Variants in YLPM1 observed in about 807,000 individuals in gnomAD.
YLPM1 encodes YLP motif containing 1.
Under a neutral mutation model 230.0 loss-of-function variants are expected in YLPM1, and 99 were observed. That is an observed-to-expected ratio of 0.43 (90% CI 0.37 to 0.51). YLPM1 has a LOEUF of 0.51. Ranked by LOEUF, YLPM1 falls within the 20% of genes least tolerant of loss-of-function variation. YLPM1 has a pLI of 0.00. For missense variants in YLPM1, 2,592 were observed against 2,707.7 expected (o/e 0.96, Z 0.95); for synonymous variants, 984 against 942.5 (o/e 1.04, Z -0.81).
At chr14:74,778,716 A>G in intron 2 of YLPM1, 33 bp downstream of exon 2, 1 of 1,509,590 alleles carries the variant, frequency 6.6e-7, no homozygotes. Flanking sequence ...GTGTTTATTA[A>G]ATTATTTAGC....
chr14:74,799,922 T>C (rs1288393254), intron 5 of YLPM1, among the ~76,000 whole-genome samples: 2 of 152,236 alleles, frequency 1.3e-5, no homozygotes, highest in Non-Finnish European at 2.9e-5. Context: ...TTGATTGCTG[T>C]CTTGGCCTTT....
At position 74,835,321 on chromosome 14, in the gene YLPM1, T is replaced by A. The variant is rs2091635577; in HGVS notation, c.6351T>A (p.Gly2117=). ...ATGCAGATAGGAAAAGGGCCATAGG[T>A]TTTGTGGTCGGACAGACTGATTGGG... The part of the protein sequence containing the change: ...KKDADRKRAI[G]FVVGQTDWEK... Residue 2117 remains glycine (G), a synonymous_variant, in exon 20 of 21, where the codon GGT becomes GGA. Coordinates refer to ENST00000325680, the MANE Select transcript of YLPM1 (RefSeq NM_019589.3). 3 of 1,613,432 alleles carry A rather than the reference T, an allele frequency of 1.9e-6. No individual in the cohort carries two copies. The highest frequency in any genetic ancestry group is 2.5e-6 in the Non-Finnish European group (3 of 1,179,710).
At chr14:74,815,030 G>A (rs1357167030) in intron 11 of YLPM1, among the ~76,000 whole-genome samples, 1 of 152,044 alleles carries the variant, frequency 6.6e-6, no homozygotes, top group Non-Finnish European at 1.5e-5. Flanking sequence ...GTATTCCTTT[G>A]TAATCTTTTT....
chr14:74,790,748 A>G (rs1417223206), intron 4 of YLPM1, among the ~76,000 whole-genome samples: 1 of 152,194 alleles, frequency 6.6e-6, no homozygotes, highest in South Asian at 2.1e-4. Flanking sequence ...TGTTTCTACT[A>G]TATTTTAAAT....
At chr14:74,826,436 T>A (rs2091563265) in intron 18 of YLPM1, among the ~76,000 whole-genome samples, 1 of 152,208 alleles carries the variant, frequency 6.6e-6, no homozygotes, top group Admixed American at 6.6e-5. Flanking sequence ...CCAATTACTC[T>A]TGGAAAATGA....
At chr14:74,765,841 T>C (rs1036879062) in intron 1 of YLPM1, among the ~76,000 whole-genome samples, 2 of 152,242 alleles carry the variant, frequency 1.3e-5, no homozygotes, top group African/African-American at 4.8e-5. Flanking sequence ...ACTCAGTGTC[T>C]TGAATATTCA....
At chr14:74,773,605 A>G (rs979077917) in intron 1 of YLPM1, among the ~76,000 whole-genome samples, 1 of 151,966 alleles carries the variant, frequency 6.6e-6, no homozygotes, top group Non-Finnish European at 1.5e-5. Context: ...ACTGAAGGAT[A>G]AGTCTGTTGA....
intron 13 of YLPM1, 37 bp from the exon 14 acceptor site, chr14:74,816,894 C>T (rs768551422): frequency 7.9e-6 from 12 of 1,524,632 alleles, no homozygotes; most frequent in Middle Eastern, 1.8e-4. Flanking sequence ...TGATTCTTTG[C>T]TTTTGCTAAT....
Position 74,798,539 on chromosome 14 carries a change from G to C in YLPM1, c.3242G>C (p.Arg1081Thr), listed in dbSNP as rs183089827. Residue 1081 changes from arginine (R) to threonine (T), a missense_variant, in exon 5 of 21, where the codon AGA becomes ACA. This residue lies in a region of YLPM1 where 1,862 missense variants were observed against 1,819.8 expected (regional missense o/e 1.02). Transcript: ENST00000325680. ...KMNRGEGSRD[R>T]GLVRPGSSRE... Reference sequence around the variant, plus strand: ...AACAGAGGAGAAGGTAGCCGGGACAGAGGGTTGGTGAGGCCTGGAAGCAGT... The same window carrying C: ...AACAGAGGAGAAGGTAGCCGGGACACAGGGTTGGTGAGGCCTGGAAGCAGT... The C allele has an allele frequency of 1.2e-6, 2 of 1,613,992 alleles. No homozygotes were observed. Among genetic ancestry groups the C allele is most frequent in the East Asian group, 4.5e-5 (2 of 44,872 alleles).
At position 74,781,439 on chromosome 14, in the gene YLPM1, C is replaced by T. The variant is rs1026539154; in HGVS notation, c.1396C>T (p.Leu466Phe). ...EREFQLWEEQ[L>F]HSYPHKDQLQ... ...AGAGTTTCAGCTATGGGAGGAACAA[C>T]TCCATTCCTATCCTCATAAAGATCA... The change falls in exon 4 of 21, where the codon CTC (leucine) becomes TTC (phenylalanine). Residue 466 changes from leucine to phenylalanine, a missense_variant. By Grantham distance (22) the Leu-to-Phe change is conservative. This residue lies in a region of YLPM1 where 1,862 missense variants were observed against 1,819.8 expected (regional missense o/e 1.02). Coordinates refer to ENST00000325680, the MANE Select transcript of YLPM1 (RefSeq NM_019589.3). 3 of 1,611,032 alleles carry T rather than the reference C, an allele frequency of 1.9e-6. No individual in the cohort carries two copies. Among genetic ancestry groups the T allele is most frequent in the Non-Finnish European group, 2.5e-6 (3 of 1,178,446 alleles).
chr14:74,779,498 G>T (rs1254579825), intron 2 of YLPM1, among the ~76,000 whole-genome samples: 4 of 152,038 alleles, frequency 2.6e-5, no homozygotes, highest in Non-Finnish European at 5.9e-5. Context: ...TCTCATATTG[G>T]TCCAAAGGTC....
intron 4 of YLPM1, among the ~76,000 whole-genome samples, chr14:74,790,977 C>T (rs1339831607): frequency 6.6e-6 from 1 of 152,202 alleles, no homozygotes; most frequent in African/African-American, 2.4e-5. Flanking sequence ...TGCAGTGGCT[C>T]ATGCCTGTAA....
chr14:74,833,393 C>T (rs1294094047), intron 19 of YLPM1, among the ~76,000 whole-genome samples: 1 of 152,064 alleles, frequency 6.6e-6, no homozygotes, highest in East Asian at 1.9e-4. Context: ...GGATTTCAGG[C>T]ACCCACCACA....
rs1324370199 is a variant in YLPM1 at position 74,809,957 on chromosome 14, A to C, written c.4987A>C (p.Thr1663Pro). 3.7e-6 allele frequency: 6 copies of C among 1,609,956 alleles called. No individual in the cohort carries two copies. The highest frequency in any genetic ancestry group is 5.1e-6 in the Non-Finnish European group (6 of 1,177,858). ...ACAGATACCTTATGGAGAAAGAATAACTCTACGCCCAGATCCACTACCTGA... is the reference window on the plus strand; with the variant it reads ...ACAGATACCTTATGGAGAAAGAATACCTCTACGCCCAGATCCACTACCTGA... ...VEQIPYGERI[T>P]LRPDPLPERS... Residue 1663 changes from threonine to proline, a missense_variant, in exon 8 of 21, where the codon ACT becomes CCT. This residue lies in a region of YLPM1 where 403 missense variants were observed against 426.7 expected (regional missense o/e 0.94). Transcript: ENST00000325680.
At chr14:74,781,271 T>G (rs2091088916) in intron 3 of YLPM1, 63 bp from the exon 4 acceptor site, 1 of 1,443,496 alleles carries the variant, frequency 6.9e-7, no homozygotes, top group Non-Finnish European at 9.1e-7. Flanking sequence ...CATTAATATT[T>G]TAACCTATGA....
chr14:74,773,268 A>G (rs1422308026), intron 1 of YLPM1, among the ~76,000 whole-genome samples: 1 of 152,026 alleles, frequency 6.6e-6, no homozygotes, highest in East Asian at 1.9e-4. Flanking sequence ...AGCCTGGGCG[A>G]CAGAGCGAGA....
At chr14:74,777,814 AACAT>A (rs1187339675) in intron 1 of YLPM1, among the ~76,000 whole-genome samples, 1 of 151,998 alleles carries the variant, frequency 6.6e-6, no homozygotes, top group Non-Finnish European at 1.5e-5. Context: ...GTGTCTATAA[AACAT>A]AAAAAAATTA....
At chr14:74,822,116 T>C (rs1206827801) in intron 17 of YLPM1, 4 of 152,196 alleles carry the variant, frequency 2.6e-5, no homozygotes, top group African/African-American at 9.7e-5. Flanking sequence ...TTAAAGTTAA[T>C]GGCATTTGAG....
In YLPM1 at chr14:74,798,140, C is replaced by T. The variant is rs772590374; in HGVS notation, c.2843C>T (p.Ala948Val). 6.2e-6 allele frequency: 10 copies of T among 1,613,918 alleles called. No homozygotes were observed. The highest frequency in any genetic ancestry group is 5.5e-5 in the South Asian group (5 of 91,076). The change falls in exon 5 of 21, where the codon GCG (alanine) becomes GTG (valine). Residue 948 changes from alanine (A) to valine (V), a missense_variant. Ala to Val is a moderately conservative substitution (Grantham distance 64, BLOSUM62 0). This residue lies in a region of YLPM1 where 1,862 missense variants were observed against 1,819.8 expected (regional missense o/e 1.02). Coordinates refer to ENST00000325680, the MANE Select transcript of YLPM1 (RefSeq NM_019589.3). The part of the protein sequence containing the change: ...AQAVTQPVPL[A>V]NKPVPAQSTF... Reference sequence around the variant, plus strand: ...GCTGTTACTCAGCCTGTACCCCTTGCGAATAAGCCTGTACCTGCTCAATCT... The same window carrying T: ...GCTGTTACTCAGCCTGTACCCCTTGTGAATAAGCCTGTACCTGCTCAATCT...
Sources: allele counts gnomAD v4.1 joint callset (sites outside exome capture counted in the v4.1 genomes callset), GRCh38; gene constraint gnomAD v4.1.1; regional missense constraint gnomAD v4.1.1; transcripts MANE v1.5; gene names NCBI Gene and HGNC (gene_info 2026-07-23, HGNC 2026-07-21).